Variants in MROH1 observed in about 807,000 individuals in gnomAD.
MROH1 encodes maestro heat-like repeat-containing protein family member 1.
In MROH1, 117 loss-of-function variants were observed where a neutral mutation model predicts 116.5. The ratio of observed to expected loss-of-function variants is 1.00; its 90% CI spans 0.86 to 1.17. MROH1 has a LOEUF of 1.17. MROH1 is among the 50% of genes most tolerant of loss of function. The pLI is 0.00. For synonymous variants in MROH1, 921 were observed against 583.9 expected, an observed-to-expected ratio of 1.58 and a Z score of -8.32; for missense variants, 1,873 against 1,338.5, an observed-to-expected ratio of 1.40 and a Z score of -6.23.
rs1248576539 is a variant in MROH1, at chr8:144,244,257, C to T, written c.2591C>T (p.Ala864Val). 1.3e-5 allele frequency: 9 copies of T among 718,296 alleles called. No individual in the cohort carries two copies. Among genetic ancestry groups the T allele is most frequent in the African/African-American group, 3.5e-5 (2 of 57,242 alleles). 44.5% of individuals were successfully genotyped at this position (718,296 alleles called of 1,614,324 possible). ...CCAGCGCTGGACGAGCAGGCCCGGG[C>T]GGATGTGATCCATGGCTGCCTGCAC... ...VEPALDEQAR[A>V]DVIHGCLHSI... Residue 864 changes from alanine to valine, a missense_variant, in exon 27 of 44, where the codon GCG (alanine) becomes GTG (valine). Coordinates refer to ENST00000326134, the MANE Select transcript of MROH1 (RefSeq NM_032450.3).
intron 11 of MROH1, among the ~76,000 whole-genome samples, chr8:144,200,045 T>C (rs1830758487): frequency 6.6e-6 from 1 of 151,918 alleles, no homozygotes; most frequent in Non-Finnish European, 1.5e-5. Context: ...GGGCTGGGGG[T>C]CTGTGTGCTT....
intron 1 of MROH1, among the ~76,000 whole-genome samples, chr8:144,150,417 A>G (rs1046946420): frequency 6.6e-6 from 1 of 152,036 alleles, no homozygotes; most frequent in African/African-American, 2.4e-5. Flanking sequence ...CATTATATAC[A>G]TGTGTGTGTA....
intron 32 of MROH1, 24 bp from the exon 33 acceptor site, chr8:144,250,187 AC>A (rs1182304172): frequency 1.3e-6 from 1 of 761,364 alleles, no homozygotes; most frequent in African/African-American, 1.7e-5. Context: ...GCGTGGCCTG[AC>A]CACCGTGTCC....
intron 12 of MROH1, among the ~76,000 whole-genome samples, chr8:144,206,878 CAA>C (rs977438901): frequency 1.3e-5 from 2 of 150,876 alleles, no homozygotes; most frequent in African/African-American, 4.9e-5. Context: ...ACTAAAAATA[CAA>C]AAAAATGCCA....
intron 12 of MROH1, among the ~76,000 whole-genome samples, chr8:144,217,401 A>G (rs1030457476): frequency 2.0e-5 from 3 of 152,232 alleles, no homozygotes; most frequent in Non-Finnish European, 4.4e-5. Context: ...TTCCGTTTCC[A>G]GGAACTCTCA....
chr8:144,243,562 C>A lies in MROH1; in HGVS notation c.2421C>A (p.Thr807=). The stretch of plus-strand genomic sequence containing the variant: ...TCAGCCGCGCCATCTGCAGCAGCAC[C>A]CAGGCTGGCTCCTTCCACTTCACCC... The part of the protein sequence containing the change: ...CMVSRAICSS[T]QAGSFHFTRK... The change falls in exon 25 of 44, where the codon ACC becomes ACA. Residue 807 remains threonine (T), a synonymous_variant. Transcript: ENST00000326134. 1.3e-6 allele frequency: 1 copy of A among 780,216 alleles called. No individual in the cohort carries two copies. 48.3% of individuals were successfully genotyped at this position (780,216 alleles called of 1,614,324 possible).
At position 144,200,540 on chromosome 8, in the gene MROH1, T is replaced by C; in HGVS notation, c.1140T>C (p.Ala380=). The C allele has an allele frequency of 6.5e-7, 1 of 1,548,640 alleles. No individual in the cohort carries two copies. The highest frequency in any genetic ancestry group is 1.2e-5 in the South Asian group (1 of 84,016). Residue 380 remains alanine, a splice_region_variant and synonymous_variant, in exon 12 of 44, where the codon GCT becomes GCC. Transcript: ENST00000326134. The stretch of plus-strand genomic sequence containing the variant: ...TGGTCAGACATGTCATCAACTCAGC[T>C]GGTGAGTGCCTCCATGCTAGCCTGG... ...LQVVRHVINS[A]AAQMEDKKPF...
chr8:144,243,445 G>C (rs1342745223), intron 24 of MROH1, 49 bp from the exon 25 acceptor site: 11 of 774,974 alleles, frequency 1.4e-5, no homozygotes, highest in African/African-American at 1.2e-4. Context: ...CGCGGGTTCA[G>C]CCCTGGAGGG....
At chr8:144,181,759 C>A (rs1165076023) in intron 7 of MROH1, among the ~76,000 whole-genome samples, 1 of 152,076 alleles carries the variant, frequency 6.6e-6, no homozygotes, top group Non-Finnish European at 1.5e-5. Context: ...GGGCGCAGGA[C>A]GTGCCATCCA....
At chr8:144,190,967 G>A (rs1171218659) in intron 8 of MROH1, 32 bp downstream of exon 8, 1 of 1,586,586 alleles carries the variant, frequency 6.3e-7, no homozygotes, top group East Asian at 2.3e-5. Context: ...GTCCACGCCT[G>A]ATGCCAGGGC....
chr8:144,204,063 C>A (rs1472092822), intron 12 of MROH1, among the ~76,000 whole-genome samples: 2 of 152,166 alleles, frequency 1.3e-5, no homozygotes, highest in East Asian at 3.9e-4. Flanking sequence ...TTTTCACTTG[C>A]TAGTATATCT....
At chr8:144,205,181 C>T (rs531746193) in intron 12 of MROH1, among the ~76,000 whole-genome samples, 35 of 152,314 alleles carry the variant, frequency 2.3e-4, no homozygotes, top group African/African-American at 7.9e-4. Context: ...TGAGCCATTG[C>T]ACCCAGCCAG....
At position 144,163,370 on chromosome 8, in the gene MROH1, G is replaced by A. The variant is rs532436779; in HGVS notation, c.-56-401G>A. 6.6e-6 allele frequency among the ~76,000 whole-genome samples: 1 copy of A among 152,250 alleles called. No homozygotes were observed. On this transcript the variant is annotated intron_variant, in intron 2 of 43. Coordinates refer to ENST00000326134, the MANE Select transcript of MROH1 (RefSeq NM_032450.3). The surrounding 1 kb of genome is among the most constrained non-coding windows in gnomAD (Gnocchi z 4.4). ...CTGGACTCGATTCTTAGGGACCATT[G>A]TTGCATGCAGTGGCGCATGGCATGT... is the stretch of plus-strand genomic sequence containing the variant.
chr8:144,178,712 T>C (rs1010704341), intron 4 of MROH1, among the ~76,000 whole-genome samples: 51 of 152,080 alleles, frequency 3.4e-4, no homozygotes, highest in African/African-American at 1.1e-3. Flanking sequence ...GGGTGCATCA[T>C]TGGGGAGGGG....
In MROH1 at chr8:144,199,154, G is replaced by A. The variant is rs1830548127; in HGVS notation, c.981G>A (p.Leu327=). ...TGCCTGTGGAGTCCTCAAGCCCCCT[G>A]GTGATGAGTAACCAGAAGGAGGTGC... ...ICVPVESSSP[L]VMSNQKEVLR... is the part of the protein sequence containing the mutation. Residue 327 remains leucine, a synonymous_variant, in exon 11 of 44, where the codon CTG becomes CTA. Transcript: ENST00000326134. 3 of 1,613,816 alleles carry A rather than the reference G, an allele frequency of 1.9e-6. No homozygotes were observed. The highest frequency in any genetic ancestry group is 2.2e-5 in the East Asian group (1 of 44,882).
At chr8:144,205,515 T>TAC (rs1259014981) in intron 12 of MROH1, among the ~76,000 whole-genome samples, 1 of 26,706 alleles carries the variant, frequency 3.7e-5, no homozygotes, top group East Asian at 1.4e-3. Flanking sequence ...TGCATATATA[T>TAC]AGACACACAC....
chr8:144,155,608 G>A (rs1324799569), intron 1 of MROH1, among the ~76,000 whole-genome samples: 1 of 145,550 alleles, frequency 6.9e-6, no homozygotes, highest in Non-Finnish European at 1.5e-5. Context: ...ACTGTATGAT[G>A]TTAATTACAG....
chr8:144,256,642 G>A (rs1352580519), intron 35 of MROH1, among the ~76,000 whole-genome samples: 1 of 152,178 alleles, frequency 6.6e-6, no homozygotes, highest in African/African-American at 2.4e-5. Flanking sequence ...TAGGGCTGCG[G>A]GCCCCACGCC....
chr8:144,186,053 G>A (rs188743588), intron 7 of MROH1, among the ~76,000 whole-genome samples: 1 of 152,224 alleles, frequency 6.6e-6, no homozygotes, highest in East Asian at 1.9e-4. Context: ...GGGCTCCGCA[G>A]TGGGCTCTCT....
Sources: allele counts gnomAD v4.1 joint callset (sites outside exome capture counted in the v4.1 genomes callset), GRCh38; gene constraint gnomAD v4.1.1; non-coding constraint Gnocchi (gnomAD v3.1); transcripts MANE v1.5; gene names NCBI Gene and HGNC (gene_info 2026-07-23, HGNC 2026-07-21).